SCHIP1: variants seen among roughly 807,000 people sequenced by gnomAD.
The protein encoded by SCHIP1 is schwannomin-interacting protein 1.
In SCHIP1, 8 loss-of-function variants were observed where a neutral mutation model predicts 29.7. The observed-to-expected ratio is 0.27, with a 90% CI of 0.16 to 0.49. The LOEUF is 0.49. Ranked by LOEUF, SCHIP1 falls within the 20% of genes least tolerant of loss-of-function variation. The pLI, the probability that SCHIP1 is intolerant of heterozygous loss-of-function variation, is 0.99. For missense variants in SCHIP1, 193 were observed against 294.6 expected (o/e 0.66, Z 2.52); for synonymous variants, 76 against 94.9 (o/e 0.80, Z 1.16).
At chr3:159,771,797 A>G in the SCHIP1 span, among the ~76,000 whole-genome samples, 28 of 152,186 alleles carry the variant, frequency 1.8e-4, no homozygotes, top group South Asian at 5.8e-3. Context: ...TGTATATACA[A>G]TTAAGTTATT....
At chr3:159,377,387 T>A in the SCHIP1 span, among the ~76,000 whole-genome samples, 1 of 152,220 alleles carries the variant, frequency 6.6e-6, no homozygotes, top group Non-Finnish European at 1.5e-5. Context: ...ATAGGTTTAC[T>A]CCAGTGGAGG....
At chr3:159,623,442 A>T in the SCHIP1 span, among the ~76,000 whole-genome samples, 2 of 152,112 alleles carry the variant, frequency 1.3e-5, no homozygotes. Context: ...CTTGGTCAAC[A>T]TGGTGAAACC....
At chr3:159,320,495 T>C in the SCHIP1 span, among the ~76,000 whole-genome samples, 1 of 152,322 alleles carries the variant, frequency 6.6e-6, no homozygotes, top group Non-Finnish European at 1.5e-5. Context: ...TAAGACACTT[T>C]GGCTACCTGG....
chr3:159,636,842 A>G, the SCHIP1 span, among the ~76,000 whole-genome samples: 2 of 152,256 alleles, frequency 1.3e-5, no homozygotes, highest in African/African-American at 4.8e-5. Context: ...GTAAGATGAT[A>G]GAAATAGACC....
chr3:159,688,666 T>G, the SCHIP1 span, among the ~76,000 whole-genome samples: 12 of 152,180 alleles, frequency 7.9e-5, no homozygotes, highest in Non-Finnish European at 1.8e-4. Context: ...TCATGAAGTC[T>G]TTGCCCATGC....
the SCHIP1 span, among the ~76,000 whole-genome samples, chr3:159,650,632 G>A: frequency 6.6e-6 from 1 of 152,140 alleles, no homozygotes; most frequent in Non-Finnish European, 1.5e-5. Context: ...TAGTGCATAG[G>A]AATTTATGTA....
At chr3:159,768,134 G>T in the SCHIP1 span, among the ~76,000 whole-genome samples, 5 of 151,760 alleles carry the variant, frequency 3.3e-5, no homozygotes, top group African/African-American at 1.2e-4. Flanking sequence ...TGTGACACCA[G>T]ACTAGTTCCC....
upstream of SCHIP1, among the ~76,000 whole-genome samples, chr3:159,838,290 A>G (rs1211584418): frequency 2.0e-5 from 3 of 152,258 alleles, no homozygotes; most frequent in Non-Finnish European, 4.4e-5. Context: ...TTAAAATTAC[A>G]TTAGCAAATA....
the SCHIP1 span, among the ~76,000 whole-genome samples, chr3:159,282,184 T>C: frequency 1.3e-5 from 2 of 152,074 alleles, no homozygotes; most frequent in African/African-American, 2.4e-5. Context: ...AATAAAAATT[T>C]ATATAACATT....
chr3:159,825,927 T>C, the SCHIP1 span, among the ~76,000 whole-genome samples: 3 of 152,170 alleles, frequency 2.0e-5, no homozygotes, highest in South Asian at 2.1e-4. Flanking sequence ...CCTGAGACAG[T>C]TGCAGGCACG....
chr3:159,794,604 C>G, the SCHIP1 span, among the ~76,000 whole-genome samples: 4 of 152,200 alleles, frequency 2.6e-5, no homozygotes, highest in Admixed American at 6.5e-5. Context: ...GAACTCACCT[C>G]TAGTGGTCAG....
the SCHIP1 span, among the ~76,000 whole-genome samples, chr3:159,334,628 A>C: frequency 6.6e-6 from 1 of 152,184 alleles, no homozygotes; most frequent in Non-Finnish European, 1.5e-5. Flanking sequence ...CATATAAATG[A>C]AATTATTCAG....
intron 6 of SCHIP1, chr3:159,893,668 A>G (rs1717774434): frequency 6.6e-6 from 1 of 152,100 alleles, no homozygotes; most frequent in Admixed American, 6.5e-5. Context: ...TTAGGTTTGC[A>G]GTGTATGTTT....
chr3:159,752,391 T>C, the SCHIP1 span, among the ~76,000 whole-genome samples: 1 of 152,236 alleles, frequency 6.6e-6, no homozygotes, highest in Non-Finnish European at 1.5e-5. Flanking sequence ...TCATGTTGTA[T>C]GTATAATATT....
chr3:159,834,478 A>G, the SCHIP1 span, among the ~76,000 whole-genome samples: 1 of 152,218 alleles, frequency 6.6e-6, no homozygotes, highest in Non-Finnish European at 1.5e-5. Context: ...ACTACTTCAC[A>G]TGGCACATGA....
At chr3:159,596,954 A>G in the SCHIP1 span, among the ~76,000 whole-genome samples, 1 of 151,690 alleles carries the variant, frequency 6.6e-6, no homozygotes, top group East Asian at 1.9e-4. Flanking sequence ...TAATAATAAA[A>G]ATAAATAAAG....
chr3:159,869,601 T>TAC (rs1169701820), intron 2 of SCHIP1, among the ~76,000 whole-genome samples: 4 of 152,082 alleles, frequency 2.6e-5, no homozygotes, highest in African/African-American at 9.6e-5. Context: ...TAGTGTTAAT[T>TAC]ACAATAGCTT....
chr3:159,477,468 A>AGCTTTTATC, the SCHIP1 span, among the ~76,000 whole-genome samples: 4 of 152,120 alleles, frequency 2.6e-5, no homozygotes, highest in Non-Finnish European at 4.4e-5. Flanking sequence ...CTTTTTGATA[A>AGCTTTTATC]AAGCTATTCT....
chr3:159,793,976 T>A, the SCHIP1 span, among the ~76,000 whole-genome samples: 1 of 152,190 alleles, frequency 6.6e-6, no homozygotes, highest in Non-Finnish European at 1.5e-5. Context: ...TTCCTCTCTC[T>A]TATGAGGACC....
Sources: allele counts gnomAD v4.1 joint callset (sites outside exome capture counted in the v4.1 genomes callset), GRCh38; gene constraint gnomAD v4.1.1; transcripts MANE v1.5; gene names NCBI Gene and HGNC (gene_info 2026-07-23, HGNC 2026-07-21).